UTRN: variants seen among roughly 807,000 people sequenced by gnomAD.
UTRN encodes utrophin.
In UTRN, 283 loss-of-function variants were observed where a neutral mutation model predicts 463.9. The ratio of observed to expected loss-of-function variants is 0.61; its 90% CI spans 0.55 to 0.67. UTRN has a LOEUF of 0.67. Among genes scored for constraint, UTRN ranks in the 30% least tolerant of loss-of-function variants. The pLI, the probability that UTRN is intolerant of heterozygous loss-of-function variation, is 0.00. For synonymous variants in UTRN, 1,442 were observed against 1,431.5 expected (o/e 1.01, Z -0.17); for missense variants, 3,922 against 4,084.3 (o/e 0.96, Z 1.08).
At chr6:144,503,944 T>G (rs1794463162) in intron 34 of UTRN, among the ~76,000 whole-genome samples, 1 of 152,146 alleles carries the variant, frequency 6.6e-6, no homozygotes, top group African/African-American at 2.4e-5. Flanking sequence ...GTAGTTCTCC[T>G]TGAAGAGCTC....
chr6:144,421,811 G>T, intron 3 of UTRN, 67 bp from the exon 4 acceptor site: 1 of 1,212,192 alleles, frequency 8.2e-7, no homozygotes, highest in East Asian at 2.7e-5. Context: ...TCATTTATTT[G>T]CCCAGGTATA....
intron 61 of UTRN, 146 bp downstream of exon 61, chr6:144,782,269 T>C: frequency 1.5e-6 from 1 of 688,416 alleles, no homozygotes; most frequent in Non-Finnish European, 2.3e-6. Context: ...TGAAACTGAA[T>C]GATTTTACAA....
At chr6:144,534,344 C>T (rs1272154786) in intron 43 of UTRN, among the ~76,000 whole-genome samples, 1 of 152,030 alleles carries the variant, frequency 6.6e-6, no homozygotes, top group Admixed American at 6.6e-5. Flanking sequence ...CTAAGAGAGG[C>T]GAGGTTAAGT....
chr6:144,608,377 C>T (rs35161160), intron 51 of UTRN, among the ~76,000 whole-genome samples: 23,180 of 152,064 alleles, frequency 0.15, 1,982 homozygotes, highest in South Asian at 0.27. Flanking sequence ...ATCTCATCAG[C>T]AAGGTGGTAG....
chr6:144,707,025 G>A (rs929741486), intron 53 of UTRN: 1 of 152,120 alleles, frequency 6.6e-6, no homozygotes, highest in African/African-American at 2.4e-5. Context: ...AGCAATCCTG[G>A]ATTGTAGTAT....
At chr6:144,340,965 G>A (rs543981667) in intron 2 of UTRN, among the ~76,000 whole-genome samples, 1 of 152,284 alleles carries the variant, frequency 6.6e-6, no homozygotes, top group African/African-American at 2.4e-5. Context: ...TCAATGGTTT[G>A]CTTTTCCTAC....
At chr6:144,750,723 A>G (rs1791299725) in intron 55 of UTRN, among the ~76,000 whole-genome samples, 1 of 152,176 alleles carries the variant, frequency 6.6e-6, no homozygotes. Context: ...TGTTAGCTTA[A>G]TATTGCTCAA....
intron 53 of UTRN, among the ~76,000 whole-genome samples, chr6:144,728,400 C>CT (rs944735352): frequency 6.7e-5 from 10 of 149,246 alleles, no homozygotes; most frequent in Non-Finnish European, 1.0e-4. Flanking sequence ...GATTAAAAAT[C>CT]TTTTTTTTTC....
chr6:144,655,294 A>G (rs574955299), intron 51 of UTRN, among the ~76,000 whole-genome samples: 13 of 152,340 alleles, frequency 8.5e-5, no homozygotes, highest in Admixed American at 7.8e-4. Flanking sequence ...TTGAAAGTCG[A>G]AATGTATGGA....
intron 64 of UTRN, among the ~76,000 whole-genome samples, chr6:144,802,551 C>T (rs1777787213): frequency 6.6e-6 from 1 of 152,174 alleles, no homozygotes; most frequent in South Asian, 2.1e-4. Flanking sequence ...AGTCAATGTG[C>T]AGTGTCATTC....
At chr6:144,772,093 GCA>G in intron 59 of UTRN, 125 bp downstream of exon 59, 1 of 561,674 alleles carries the variant, frequency 1.8e-6, no homozygotes, top group Non-Finnish European at 2.7e-6. Flanking sequence ...GAGTGCAGTG[GCA>G]TGATCTCGGC....
chr6:144,582,791 AT>A (rs1802094521), intron 51 of UTRN, among the ~76,000 whole-genome samples: 1 of 151,920 alleles, frequency 6.6e-6, no homozygotes, highest in South Asian at 2.1e-4. Context: ...CCCTGCAAGT[AT>A]TTTTTGTTTT....
At chr6:144,701,772 A>G (rs1453822118) in intron 53 of UTRN, among the ~76,000 whole-genome samples, 1 of 152,200 alleles carries the variant, frequency 6.6e-6, no homozygotes, top group African/African-American at 2.4e-5. Flanking sequence ...TTGCTTTAAT[A>G]CAAAATGATA....
chr6:144,827,834 G>A (rs1420810286), intron 68 of UTRN, among the ~76,000 whole-genome samples, 158 bp downstream of exon 68: 1 of 152,066 alleles, frequency 6.6e-6, no homozygotes, highest in African/African-American at 2.4e-5. Flanking sequence ...ATATTTTCAT[G>A]ACACAGTTTG....
chr6:144,557,110 TTA>T, intron 49 of UTRN, 45 bp from the exon 50 acceptor site: 1 of 1,591,854 alleles, frequency 6.3e-7, no homozygotes, highest in Non-Finnish European at 8.6e-7. Context: ...ATTATACTAA[TTA>T]CTGAGTGACC....
chr6:144,596,873 A>ATTACTGTTG (rs1803701507), intron 51 of UTRN, among the ~76,000 whole-genome samples: 1 of 152,224 alleles, frequency 6.6e-6, no homozygotes, highest in Non-Finnish European at 1.5e-5. Flanking sequence ...AGCATCATAA[A>ATTACTGTTG]AGAACTTGAA....
chr6:144,370,790 C>T (rs745650374), intron 2 of UTRN, among the ~76,000 whole-genome samples: 7 of 152,214 alleles, frequency 4.6e-5, no homozygotes, highest in Non-Finnish European at 1.0e-4. Flanking sequence ...CCACCTCTTG[C>T]ATCAGCATTA....
intron 32 of UTRN, among the ~76,000 whole-genome samples, chr6:144,493,037 G>A (rs1793216459): frequency 6.6e-6 from 1 of 152,186 alleles, no homozygotes; most frequent in Non-Finnish European, 1.5e-5. Context: ...ATATTATCAA[G>A]TACTTTCATA....
In UTRN at chr6:144,828,869, G is replaced by A. The variant is rs1451893860; in HGVS notation, c.9665+14G>A. ...CACAGGAAGTGTGTAAGTAAATCAT[G>A]AAATTAGTGCTGCCTGGGAAGGCTA... On this transcript the variant is annotated intron_variant, in intron 69 of 74. Transcript: ENST00000367545. The A allele has an allele frequency of 6.2e-7, 1 of 1,612,946 alleles. No individual in the cohort carries two copies. Among genetic ancestry groups the A allele is most frequent in the Admixed American group, 1.7e-5 (1 of 59,922 alleles).
Sources: gnomAD v4.1 joint callset for allele counts (sites outside exome capture counted in the v4.1 genomes callset) on GRCh38, gnomAD v4.1.1 for gene constraint, MANE v1.5 for transcripts, NCBI Gene and HGNC (gene_info 2026-07-23, HGNC 2026-07-21) for gene names.